The following TACR1 variants were observed in gnomAD, a reference collection of about 807,000 sequenced individuals.
TACR1 encodes the protein tachykinin receptor 1.
TACR1 carries 25 observed loss-of-function variants against 35.8 expected under a neutral mutation model. The observed-to-expected ratio is 0.70, with a 90% CI of 0.51 to 0.98. The LOEUF (loss-of-function observed/expected upper bound fraction) is 0.98. Ranked by LOEUF, TACR1 falls within the 50% of genes least tolerant of loss-of-function variation. The pLI is 0.00. For synonymous variants in TACR1, 195 were observed against 206.7 expected, an observed-to-expected ratio of 0.94 and a Z score of 0.48; for missense variants, 478 against 522.9, an observed-to-expected ratio of 0.91 and a Z score of 0.84.
chr2:75,183,916 A>G (rs1675620835), intron 1 of TACR1, among the ~76,000 whole-genome samples: 1 of 152,238 alleles, frequency 6.6e-6, no homozygotes, highest in Non-Finnish European at 1.5e-5. Flanking sequence ...TAAGGAATTT[A>G]TATTATTTAG....
At chr2:75,133,260 G>A (rs1414295683) in intron 1 of TACR1, among the ~76,000 whole-genome samples, 1 of 152,090 alleles carries the variant, frequency 6.6e-6, no homozygotes, top group East Asian at 1.9e-4. Flanking sequence ...ATCTTATTCG[G>A]CATTTTTTAT....
At chr2:75,135,891 C>T (rs1304262537) in intron 1 of TACR1, among the ~76,000 whole-genome samples, 1 of 152,140 alleles carries the variant, frequency 6.6e-6, no homozygotes, top group Non-Finnish European at 1.5e-5. Context: ...TCACCCTCTC[C>T]CACCTCCCCT....
chr2:75,085,051 T>C (rs970264952), intron 2 of TACR1, among the ~76,000 whole-genome samples: 4 of 152,224 alleles, frequency 2.6e-5, no homozygotes, highest in Non-Finnish European at 5.9e-5. Flanking sequence ...TCCTGCTTTC[T>C]CTTGTGGGCA....
intron 2 of TACR1, among the ~76,000 whole-genome samples, chr2:75,099,941 A>T (rs1228221481): frequency 6.6e-6 from 1 of 152,174 alleles, no homozygotes; most frequent in African/African-American, 2.4e-5. Flanking sequence ...CAGGCGTTTC[A>T]TGACCACTGT....
At chr2:75,194,209 G>T (rs993026241) in intron 1 of TACR1, among the ~76,000 whole-genome samples, 2 of 152,066 alleles carry the variant, frequency 1.3e-5, no homozygotes, top group African/African-American at 2.4e-5. Flanking sequence ...GAGGAGGTGG[G>T]CATTGGACCT....
Position 75,120,642 on chromosome 2 carries a change from C to G in TACR1, c.516G>C (p.Glu172Asp). 2 of 1,614,010 alleles carry G rather than the reference C, an allele frequency of 1.2e-6. No individual in the cohort carries two copies. The highest frequency in any genetic ancestry group is 1.7e-6 in the Non-Finnish European group (2 of 1,179,972). Reference protein sequence around the residue: ...AFPQGYYSTTETMPSRVVCMI... With the variant: ...AFPQGYYSTTDTMPSRVVCMI... ...TGCACACGACTCTGCTGGGCATGGT[C>G]TCTGTGGTTGAGTAGTAGCCCTGGG... The change falls in exon 2 of 5, where the codon GAG (glutamate) becomes GAC (aspartate). Residue 172 changes from glutamate (E) to aspartate (D), a missense_variant. Transcript: ENST00000305249.
At chr2:75,166,521 T>C (rs1488551393) in intron 1 of TACR1, among the ~76,000 whole-genome samples, 2 of 152,236 alleles carry the variant, frequency 1.3e-5, no homozygotes, top group African/African-American at 2.4e-5. Flanking sequence ...CAGCGCTCCT[T>C]CTGTCTTACC....
At chr2:75,093,045 G>A (rs1221701673) in intron 2 of TACR1, among the ~76,000 whole-genome samples, 1 of 152,206 alleles carries the variant, frequency 6.6e-6, no homozygotes, top group African/African-American at 2.4e-5. Context: ...ATCCGCCAGT[G>A]GGAGGCAGGC....
Position 75,120,563 on chromosome 2 carries a change from T to C in TACR1, c.584+11A>G. On this transcript the variant is annotated intron_variant, in intron 2 of 4. Coordinates refer to ENST00000305249, the MANE Select transcript of TACR1 (RefSeq NM_001058.4). ...ATCGTTTCTTTGGCATGGGGAGTCA[T>C]CTCTACTCACACTTTCTCATAAATC... 1.3e-6 allele frequency: 2 copies of C among 1,587,204 alleles called. No individual in the cohort carries two copies. Among genetic ancestry groups the C allele is most frequent in the South Asian group, 1.1e-5 (1 of 87,046 alleles).
chr2:75,146,748 G>T (rs1277783755), intron 1 of TACR1, among the ~76,000 whole-genome samples: 1 of 152,160 alleles, frequency 6.6e-6, no homozygotes, highest in African/African-American at 2.4e-5. Context: ...AGTTGCAGTT[G>T]CAGTAAAAAA....
chr2:75,137,073 C>T (rs149018455), intron 1 of TACR1, among the ~76,000 whole-genome samples: 89 of 152,240 alleles, frequency 5.8e-4, no homozygotes, highest in Non-Finnish European at 1.0e-3. Context: ...TAGCTTGAGT[C>T]AGGGATTGGG....
At chr2:75,191,384 G>A (rs1336458991) in intron 1 of TACR1, among the ~76,000 whole-genome samples, 1 of 152,116 alleles carries the variant, frequency 6.6e-6, no homozygotes, top group Non-Finnish European at 1.5e-5. Context: ...AATCCAGGGG[G>A]TTGACAGCAG....
intron 1 of TACR1, among the ~76,000 whole-genome samples, chr2:75,182,462 T>C (rs1675582481): frequency 6.6e-6 from 1 of 152,202 alleles, no homozygotes; most frequent in Non-Finnish European, 1.5e-5. Context: ...CCCTGAGCCA[T>C]ACTGACAGTG....
At chr2:75,196,829 C>T (rs1676006874) in intron 1 of TACR1, among the ~76,000 whole-genome samples, 5 of 152,120 alleles carry the variant, frequency 3.3e-5, no homozygotes, top group Admixed American at 3.3e-4. Context: ...GCAGAAAAAG[C>T]AAACAAACAA....
rs1675181519 is a variant in TACR1, at chr2:75,167,812, A to G, written c.389+30734T>C. On this transcript the variant is annotated intron_variant, in intron 1 of 4. Transcript: ENST00000305249. ...ATTTGTATCTTATAGTAAAAGAGTTAATATTCTTAACACAGACAACTCTTA... is the reference window on the plus strand; with the variant it reads ...ATTTGTATCTTATAGTAAAAGAGTTGATATTCTTAACACAGACAACTCTTA... 2.0e-5 allele frequency among the ~76,000 whole-genome samples: 3 copies of G among 152,342 alleles called. No individual in the cohort carries two copies. The South Asian group carries it at 6.2e-4, about 32-fold the overall frequency.
chr2:75,185,177 C>T (rs937941850), intron 1 of TACR1, among the ~76,000 whole-genome samples: 15 of 151,616 alleles, frequency 9.9e-5, no homozygotes, highest in Non-Finnish European at 1.8e-4. Flanking sequence ...GGTGTTTGAA[C>T]AATAGGATAA....
At chr2:75,196,851 C>G (rs1558590432) in intron 1 of TACR1, among the ~76,000 whole-genome samples, 2 of 152,138 alleles carry the variant, frequency 1.3e-5, no homozygotes, top group Non-Finnish European at 2.9e-5. Flanking sequence ...CAAAACCCCC[C>G]AAAAAACTTG....
chr2:75,100,618 G>A (rs1313529223), intron 2 of TACR1, among the ~76,000 whole-genome samples: 3 of 152,154 alleles, frequency 2.0e-5, no homozygotes, highest in Admixed American at 1.3e-4. Context: ...TTGCTTCCCT[G>A]CCCAAGTGTG....
At chr2:75,191,112 T>C (rs939738153) in intron 1 of TACR1, among the ~76,000 whole-genome samples, 2 of 152,186 alleles carry the variant, frequency 1.3e-5, no homozygotes, top group South Asian at 4.1e-4. Context: ...CCCCTTCCAC[T>C]GAGGTGGAAT....
Sources: gnomAD v4.1 joint callset for allele counts (sites outside exome capture counted in the v4.1 genomes callset) on GRCh38, gnomAD v4.1.1 for gene constraint, MANE v1.5 for transcripts, NCBI Gene and HGNC (gene_info 2026-07-23, HGNC 2026-07-21) for gene names.